EIF4G3: variants seen among roughly 807,000 people sequenced by gnomAD.
EIF4G3 encodes eIF-4-gamma 3.
Under a neutral mutation model 186.4 loss-of-function variants are expected in EIF4G3, and 34 were observed. The ratio of observed to expected loss-of-function variants is 0.18; its 90% CI spans 0.14 to 0.24. The LOEUF is 0.24. Among genes scored for constraint, EIF4G3 ranks in the 10% least tolerant of loss-of-function variants. EIF4G3 has a pLI of 1.00. For synonymous variants in EIF4G3, 673 were observed against 679.5 expected (o/e 0.99, Z 0.15); for missense variants, 1,536 against 1,948.5 (o/e 0.79, Z 3.99).
rs983215584 is a variant in EIF4G3, at chr1:20,893,012, A to G, written c.2253+505T>C. On this transcript the variant is annotated intron_variant, in intron 18 of 36. Coordinates refer to ENST00000602326, the MANE Select transcript of EIF4G3 (RefSeq NM_001391906.1). ...AGCCTGGACCTCCTGGGGTCAAGTAATTCTCTCACCTCAGTCTCCCGAGTA... is the reference window on the plus strand; with the variant it reads ...AGCCTGGACCTCCTGGGGTCAAGTAGTTCTCTCACCTCAGTCTCCCGAGTA... 37 of 331,690 alleles carry G rather than the reference A, an allele frequency of 1.1e-4. No individual in the cohort carries two copies. The East Asian group carries it at 1.9e-3, about 17-fold the overall frequency. 20.5% of individuals were successfully genotyped at this position (331,690 alleles called of 1,614,324 possible).
At position 20,905,018 on chromosome 1, in the gene EIF4G3, T is replaced by C. The variant is rs1268286206; in HGVS notation, c.1664-47A>G. The C allele has an allele frequency of 4.3e-6, 6 of 1,410,110 alleles. No individual in the cohort carries two copies. The South Asian group carries it at 7.0e-5, about 16-fold the overall frequency. 87.3% of individuals were successfully genotyped at this position (1,410,110 alleles called of 1,614,324 possible). On this transcript the variant is annotated intron_variant, in intron 14 of 36. Transcript: ENST00000602326. Reference sequence around the variant, plus strand: ...ATTACTTGCCACTGCAAAGTCATTCTGAGAAATATTAGGTCTAAGTGATAC... The same window carrying C: ...ATTACTTGCCACTGCAAAGTCATTCCGAGAAATATTAGGTCTAAGTGATAC...
chr1:21,095,070 A>C (rs1425133931), intron 2 of EIF4G3, among the ~76,000 whole-genome samples: 2 of 152,076 alleles, frequency 1.3e-5, no homozygotes, highest in Non-Finnish European at 2.9e-5. Flanking sequence ...CAGGTCCAAA[A>C]ACCCTATTGG....
At chr1:20,984,835 G>A (rs910640709) in intron 7 of EIF4G3, among the ~76,000 whole-genome samples, 1 of 151,778 alleles carries the variant, frequency 6.6e-6, no homozygotes, top group African/African-American at 2.4e-5. Context: ...TGATCCGCCC[G>A]CCTCGGCCTC....
At chr1:21,084,046 A>G (rs2095876999) in intron 3 of EIF4G3, among the ~76,000 whole-genome samples, 1 of 152,084 alleles carries the variant, frequency 6.6e-6, no homozygotes, top group South Asian at 2.1e-4. Flanking sequence ...TCCACATCAC[A>G]CAGTCTATTC....
intron 2 of EIF4G3, among the ~76,000 whole-genome samples, chr1:21,124,568 TGGGACTATAA>T (rs1350190471): frequency 3.3e-5 from 5 of 152,212 alleles, no homozygotes; most frequent in African/African-American, 1.2e-4. Context: ...GAAGCCTTCA[TGGGACTATAA>T]GGTAGAGGAA....
chr1:20,923,809 CTA>C (rs10587649), intron 14 of EIF4G3, among the ~76,000 whole-genome samples: 66,113 of 143,508 alleles, frequency 0.46, 15,253 homozygotes, highest in East Asian at 0.61. Context: ...TTACCCATCC[CTA>C]TATATATATA....
intron 3 of EIF4G3, among the ~76,000 whole-genome samples, chr1:21,056,692 T>C (rs2094574922): frequency 6.6e-6 from 1 of 152,204 alleles, no homozygotes; most frequent in Non-Finnish European, 1.5e-5. Flanking sequence ...GGTCATACTG[T>C]TGAAATCCAT....
intron 29 of EIF4G3, among the ~76,000 whole-genome samples, chr1:20,845,563 G>C (rs1328729442): frequency 6.6e-6 from 1 of 152,106 alleles, no homozygotes; most frequent in Non-Finnish European, 1.5e-5. Flanking sequence ...TTGGGAGGCT[G>C]AGGCAGGAGA....
rs555945500 is a variant in EIF4G3 at position 21,005,232 on chromosome 1, T to G, written c.-66-2424A>C. ...TATTTCTTCAACTTCTATTTGAGAATCTGAATATAGTTTTAAAAGAGAGCA... is the reference window on the plus strand; with the variant it reads ...TATTTCTTCAACTTCTATTTGAGAAGCTGAATATAGTTTTAAAAGAGAGCA... On this transcript the variant is annotated intron_variant, in intron 4 of 36. Transcript: ENST00000602326. 2.6e-5 allele frequency among the ~76,000 whole-genome samples: 4 copies of G among 152,280 alleles called. No individual in the cohort carries two copies. In the South Asian group the frequency reaches 8.3e-4, roughly 32 times the overall value.
intron 4 of EIF4G3, among the ~76,000 whole-genome samples, chr1:21,024,394 C>T (rs1383993220): frequency 1.3e-5 from 2 of 152,222 alleles, no homozygotes; most frequent in African/African-American, 4.8e-5. Context: ...GAGGTGTGCC[C>T]AACAGCTCAT....
chr1:21,120,588 C>A (rs2096909060), intron 2 of EIF4G3, among the ~76,000 whole-genome samples: 2 of 149,316 alleles, frequency 1.3e-5, no homozygotes, highest in African/African-American at 2.5e-5. Flanking sequence ...ATCACTACAG[C>A]CTGGACAACA....
intron 4 of EIF4G3, among the ~76,000 whole-genome samples, chr1:21,029,129 T>A (rs1432606329): frequency 6.6e-6 from 1 of 152,146 alleles, no homozygotes; most frequent in Non-Finnish European, 1.5e-5. Context: ...GCGATTCTCA[T>A]GCCTCAGCCT....
At chr1:20,815,767 C>T (rs2060532825) in intron 34 of EIF4G3, among the ~76,000 whole-genome samples, 1 of 129,638 alleles carries the variant, frequency 7.7e-6, no homozygotes, top group Admixed American at 7.3e-5. Context: ...TTGCCCCGTC[C>T]AGGAGGGAGG....
At chr1:20,860,560 C>T in intron 23 of EIF4G3, 43 bp from the exon 24 acceptor site, 1 of 1,582,070 alleles carries the variant, frequency 6.3e-7, no homozygotes, top group Non-Finnish European at 8.6e-7. Context: ...ATAAACTGAA[C>T]ATTTTTTAAA....
At chr1:21,132,001 G>C (rs2097162227) in intron 2 of EIF4G3, among the ~76,000 whole-genome samples, 1 of 151,682 alleles carries the variant, frequency 6.6e-6, no homozygotes, top group African/African-American at 2.4e-5. Flanking sequence ...ATCAAAAAAA[G>C]AAAGAAAAAT....
intron 2 of EIF4G3, among the ~76,000 whole-genome samples, chr1:21,135,534 T>C (rs560292022): frequency 1.7e-4 from 26 of 152,150 alleles, no homozygotes; most frequent in African/African-American, 6.3e-4. Context: ...GAAAATTAAA[T>C]GGGGTAAAAA....
At chr1:20,871,374 T>G (rs928339431) in intron 20 of EIF4G3, among the ~76,000 whole-genome samples, 1 of 152,144 alleles carries the variant, frequency 6.6e-6, no homozygotes, top group African/African-American at 2.4e-5. Flanking sequence ...CTCAGCAGCA[T>G]CCTCACCCCA....
intron 28 of EIF4G3, 129 bp from the exon 29 acceptor site, chr1:20,849,659 CAG>C (rs980013872): frequency 4.6e-5 from 20 of 432,924 alleles, no homozygotes; most frequent in Admixed American, 1.3e-4. Context: ...TAGATAAAAA[CAG>C]AATACAGAAA....
At chr1:21,094,223 A>T (rs7552048) in intron 2 of EIF4G3, among the ~76,000 whole-genome samples, 50,532 of 151,578 alleles carry the variant, frequency 0.33, 9,199 homozygotes, top group Non-Finnish European at 0.41. Context: ...TTCCTCAAGG[A>T]TCTAGAACTA....
Sources: allele counts gnomAD v4.1 joint callset (sites outside exome capture counted in the v4.1 genomes callset), GRCh38; gene constraint gnomAD v4.1.1; transcripts MANE v1.5; gene names NCBI Gene and HGNC (gene_info 2026-07-23, HGNC 2026-07-21).